CACNA2D1: variants seen among roughly 807,000 people sequenced by gnomAD.
CACNA2D1 encodes voltage-dependent calcium channel subunit alpha-2/delta-1.
Under a neutral mutation model 171.5 loss-of-function variants are expected in CACNA2D1, and 53 were observed. The observed-to-expected ratio is 0.31, with a 90% CI of 0.25 to 0.39. The LOEUF is 0.39. Among genes scored for constraint, CACNA2D1 ranks in the 10% least tolerant of loss-of-function variants. The probability of loss-of-function intolerance (pLI) is 1.00; values close to 1 mark genes in which losing one functional copy is unlikely to be tolerated. For synonymous variants in CACNA2D1, 442 were observed against 443.1 expected (o/e 1.00, Z 0.03); for missense variants, 903 against 1,299.8 (o/e 0.69, Z 4.69).
chr7:82,000,304 G>T (rs1323438698), intron 18 of CACNA2D1, among the ~76,000 whole-genome samples: 1 of 151,900 alleles, frequency 6.6e-6, no homozygotes, highest in Non-Finnish European at 1.5e-5. Flanking sequence ...ACTATGTAGA[G>T]GCCTGGTCCC....
At chr7:82,160,587 G>A (rs989824509) in intron 4 of CACNA2D1, among the ~76,000 whole-genome samples, 20 of 151,918 alleles carry the variant, frequency 1.3e-4, no homozygotes, top group African/African-American at 4.3e-4. Context: ...CACTGCTCAC[G>A]CCTCCCAAGT....
rs1450131597 is a variant in CACNA2D1, at chr7:81,948,862, A to C, written c.*1530T>G. On this transcript the variant is annotated 3_prime_UTR_variant, in exon 39 of 39. Coordinates refer to ENST00000356860, the MANE Select transcript of CACNA2D1 (RefSeq NM_000722.4). ...GAAAATAATTTTTAAAAGCATAAAT[A>C]ATCTGCTACCATATTAGTCTATAAT... is the stretch of plus-strand genomic sequence containing the variant. 6.6e-6 allele frequency: 1 copy of C among 151,990 alleles called. No individual in the cohort carries two copies. Among genetic ancestry groups the C allele is most frequent in the African/African-American group, 2.4e-5 (1 of 41,440 alleles). 9.4% of individuals were successfully genotyped at this position (151,990 alleles called of 1,614,324 possible). A position where few individuals can be genotyped will look rare whatever the true frequency, so the allele number is the denominator to read the frequency against.
chr7:82,235,087 G>A (rs1030231999), intron 3 of CACNA2D1, among the ~76,000 whole-genome samples: 1 of 152,068 alleles, frequency 6.6e-6, no homozygotes, highest in East Asian at 1.9e-4. Context: ...CCCTGGCTAA[G>A]TGAGCACACT....
chr7:82,307,094 A>G (rs1813829881), intron 3 of CACNA2D1, among the ~76,000 whole-genome samples: 1 of 152,182 alleles, frequency 6.6e-6, no homozygotes, highest in Non-Finnish European at 1.5e-5. Flanking sequence ...TTAGACACTC[A>G]GAGAGATGTG....
At chr7:82,038,015 A>G in intron 11 of CACNA2D1, 62 bp downstream of exon 11, 1 of 1,478,996 alleles carries the variant, frequency 6.8e-7, no homozygotes, top group Non-Finnish European at 9.4e-7. Flanking sequence ...CTATCAGAAT[A>G]TTGAAATTCA....
chr7:82,373,980 G>A (rs1822720578), intron 1 of CACNA2D1, among the ~76,000 whole-genome samples: 1 of 152,180 alleles, frequency 6.6e-6, no homozygotes, highest in Admixed American at 6.5e-5. Flanking sequence ...GAAAATGGAA[G>A]GCTATTTAAC....
At chr7:82,257,899 G>T (rs1027166790) in intron 3 of CACNA2D1, among the ~76,000 whole-genome samples, 13 of 152,166 alleles carry the variant, frequency 8.5e-5, no homozygotes, top group African/African-American at 2.9e-4. Context: ...AGATGGAGGA[G>T]ATTAGAGAAT....
intron 4 of CACNA2D1, among the ~76,000 whole-genome samples, chr7:82,159,182 T>A (rs1794681396): frequency 6.6e-6 from 1 of 151,964 alleles, no homozygotes; most frequent in Non-Finnish European, 1.5e-5. Flanking sequence ...ACCTGCAGCT[T>A]TCTACTTTTT....
intron 10 of CACNA2D1, among the ~76,000 whole-genome samples, chr7:82,057,938 T>C (rs1220901588): frequency 6.6e-6 from 1 of 152,144 alleles, no homozygotes; most frequent in Non-Finnish European, 1.5e-5. Flanking sequence ...TGTTTAAAGA[T>C]TGTGACCAGT....
intron 3 of CACNA2D1, among the ~76,000 whole-genome samples, chr7:82,295,822 C>T (rs908002650): frequency 8.6e-5 from 13 of 151,950 alleles, no homozygotes; most frequent in South Asian, 6.2e-4. Context: ...ATGTTTATTG[C>T]GGCACTATTC....
At chr7:82,116,962 T>C (rs1178912155) in intron 6 of CACNA2D1, 82 bp downstream of exon 6, 37 of 1,441,796 alleles carry the variant, frequency 2.6e-5, no homozygotes, top group Non-Finnish European at 3.5e-5. Flanking sequence ...ACATTTGCTC[T>C]TTTTTTTCCC....
At chr7:82,410,561 G>A (rs1827533649) in intron 1 of CACNA2D1, 23 of 983,682 alleles carry the variant, frequency 2.3e-5, no homozygotes, top group Non-Finnish European at 2.8e-5. Context: ...GATGCCAGGT[G>A]GCTGGCTTGC....
chr7:82,070,470 T>C (rs1299742807), intron 7 of CACNA2D1, among the ~76,000 whole-genome samples: 1 of 152,158 alleles, frequency 6.6e-6, no homozygotes, highest in African/African-American at 2.4e-5. Flanking sequence ...AGAGTGGTAG[T>C]GCATGGATAG....
At chr7:82,221,997 G>T (rs1015582096) in intron 3 of CACNA2D1, among the ~76,000 whole-genome samples, 1 of 151,682 alleles carries the variant, frequency 6.6e-6, no homozygotes, top group Non-Finnish European at 1.5e-5. Flanking sequence ...AATACCAAAG[G>T]TTTTTACCAG....
chr7:81,949,304 C>CCAAT lies in CACNA2D1; in HGVS notation c.*1084_*1087dup, dbSNP rs1792285947. ...TTCTCATTTCACCATTTATCTAACC[C>CCAAT]CAATCATTCAGCATTTACATTGCAC... On this transcript the variant is annotated 3_prime_UTR_variant, in exon 39 of 39. Transcript: ENST00000356860. The CCAAT allele has an allele frequency of 6.6e-6, 1 of 151,924 alleles. No individual in the cohort carries two copies. The highest frequency in any genetic ancestry group is 1.5e-5 in the Non-Finnish European group (1 of 67,914). The allele number at this position is 151,924 out of a possible 1,614,324, so 9.4% of individuals were successfully genotyped here.
At chr7:82,228,012 G>A (rs755216786) in intron 3 of CACNA2D1, among the ~76,000 whole-genome samples, 24 of 152,046 alleles carry the variant, frequency 1.6e-4, no homozygotes, top group African/African-American at 5.6e-4. Context: ...TAGAGTGTGC[G>A]TGGGGCCAGT....
At chr7:82,249,115 C>CAA (rs780021068) in intron 3 of CACNA2D1, among the ~76,000 whole-genome samples, 4 of 113,748 alleles carry the variant, frequency 3.5e-5, no homozygotes, top group Non-Finnish European at 3.7e-5. Flanking sequence ...GACTCCATCT[C>CAA]AAAAAAAAAA....
intron 3 of CACNA2D1, among the ~76,000 whole-genome samples, chr7:82,291,582 C>A (rs1811619965): frequency 7.6e-6 from 1 of 132,006 alleles, no homozygotes; most frequent in African/African-American, 2.8e-5. Context: ...TTTATATATA[C>A]TAGATATATA....
At chr7:81,956,363 A>T (rs1372033712) in intron 38 of CACNA2D1, among the ~76,000 whole-genome samples, 2 of 152,154 alleles carry the variant, frequency 1.3e-5, no homozygotes, top group South Asian at 2.1e-4. Flanking sequence ...CTGATAACCT[A>T]TAAATCTTAT....
Sources: allele counts gnomAD v4.1 joint callset (sites outside exome capture counted in the v4.1 genomes callset), GRCh38; gene constraint gnomAD v4.1.1; transcripts MANE v1.5; gene names NCBI Gene and HGNC (gene_info 2026-07-23, HGNC 2026-07-21).